COL15A1: variants seen among roughly 807,000 people sequenced by gnomAD.
COL15A1 encodes collagen type XV alpha 1 chain, also known as collagen alpha-1(XV) chain.
A neutral mutation model predicts 165.9 loss-of-function variants in COL15A1; 111 were observed. The ratio of observed to expected loss-of-function variants is 0.67; its 90% CI spans 0.57 to 0.78. COL15A1 has a LOEUF of 0.78. Ranked by LOEUF, COL15A1 falls within the 30% of genes least tolerant of loss-of-function variation. COL15A1 has a pLI of 0.00. For synonymous variants in COL15A1, 659 were observed against 674.8 expected (o/e 0.98, Z 0.36); for missense variants, 1,745 against 1,789.7 (o/e 0.98, Z 0.45).
intron 6 of COL15A1, 33 bp downstream of exon 6, chr9:98,997,114 C>T (rs758143304): frequency 1.2e-6 from 2 of 1,612,268 alleles, no homozygotes; most frequent in South Asian, 1.1e-5. Flanking sequence ...ACGTAGTGGC[C>T]TTTTATTGGG....
intron 2 of COL15A1, among the ~76,000 whole-genome samples, chr9:98,975,227 T>C (rs1838124402): frequency 1.3e-5 from 2 of 152,266 alleles, no homozygotes; most frequent in Admixed American, 1.3e-4. Context: ...TAACTAGCGC[T>C]AGCGCTGGGC....
intron 2 of COL15A1, among the ~76,000 whole-genome samples, chr9:98,969,105 T>C (rs939195382): frequency 1.4e-4 from 21 of 152,178 alleles, no homozygotes; most frequent in African/African-American, 5.1e-4. Context: ...CACTGCAGTC[T>C]CATGAGAAAG....
At position 98,954,422 on chromosome 9, in the gene COL15A1, A is replaced by G. The variant is rs140293117; in HGVS notation, c.100+10172A>G. On this transcript the variant is annotated intron_variant, in intron 2 of 41. Transcript: ENST00000375001. ...ATAATATGAACAGAACATTCTGTACATTGCATTTAGTGTTTAGTTGATGGC... is the reference window on the plus strand; with the variant it reads ...ATAATATGAACAGAACATTCTGTACGTTGCATTTAGTGTTTAGTTGATGGC... Among the ~76,000 whole-genome samples, 345 of 152,318 alleles carry G rather than the reference A, an allele frequency of 2.3e-3. 3 individuals carry two copies. The highest frequency in any genetic ancestry group is 8.0e-3 in the African/African-American group (332 of 41,568).
intron 2 of COL15A1, among the ~76,000 whole-genome samples, chr9:98,963,003 C>T (rs1837887122): frequency 6.6e-6 from 1 of 152,212 alleles, no homozygotes; most frequent in South Asian, 2.1e-4. Flanking sequence ...ATTTCTCCAT[C>T]CACGTTTACC....
At position 99,066,599 on chromosome 9, in the gene COL15A1, GTT is replaced by G. The variant is rs67961829; in HGVS notation, c.3652-259_3652-258del. Reference sequence around the variant, plus strand: ...TTTGGTCCAAGCAATATTTTGTTCTGTTTTTTTTTTTTTTTTTTTTTTTTTCA... The same window carrying G: ...TTTGGTCCAAGCAATATTTTGTTCTGTTTTTTTTTTTTTTTTTTTTTTTCA... On this transcript the variant is annotated intron_variant, in intron 39 of 41. Coordinates refer to ENST00000375001, the MANE Select transcript of COL15A1 (RefSeq NM_001855.5). Among the ~76,000 whole-genome samples, 137 of 71,030 alleles carry G rather than the reference GTT, an allele frequency of 1.9e-3. 1 individual carries two copies. The highest frequency in any genetic ancestry group is 8.9e-3 in the Middle Eastern group (1 of 112). 46.6% of individuals were successfully genotyped at this position (71,030 alleles called of 152,430 possible).
intron 26 of COL15A1, 109 bp downstream of exon 26, chr9:99,044,879 C>T (rs1839470144): frequency 2.0e-6 from 2 of 1,015,496 alleles, no homozygotes; most frequent in Non-Finnish European, 3.0e-6. Context: ...AAAGATGTGG[C>T]AAAGATGTGC....
At chr9:99,007,568 C>T (rs1213238742) in intron 9 of COL15A1, among the ~76,000 whole-genome samples, 1 of 152,110 alleles carries the variant, frequency 6.6e-6, no homozygotes, top group African/African-American at 2.4e-5. Context: ...TGTGAAGTCT[C>T]ATGCCCTACA....
chr9:99,040,610 GTTCC>G lies in COL15A1; in HGVS notation c.2511+59_2511+62del. 4.3e-6 allele frequency: 7 copies of G among 1,614,072 alleles called. No homozygotes were observed. In the Admixed American group the frequency reaches 1.2e-4, roughly 27 times the overall value. ...TGTGCCCCGTGGCTGCGATCATTCT[GTTCC>G]TTCCACCTAGAATGGCATTTCCTCC... On this transcript the variant is annotated intron_variant, in intron 23 of 41. Transcript: ENST00000375001.
chr9:98,979,640 G>A (rs1258809396), intron 2 of COL15A1, among the ~76,000 whole-genome samples: 2 of 126,622 alleles, frequency 1.6e-5, no homozygotes, highest in Admixed American at 7.8e-5. Flanking sequence ...ACATTGCAGG[G>A]ATTATCTTTA....
intron 30 of COL15A1, 125 bp downstream of exon 30, chr9:99,050,020 A>T (rs1839559740): frequency 7.5e-7 from 1 of 1,324,730 alleles, no homozygotes; most frequent in East Asian, 2.3e-5. Context: ...TCTGTCCCCT[A>T]AGTGTAGACC....
chr9:98,976,988 G>A (rs1481978104), intron 2 of COL15A1, among the ~76,000 whole-genome samples: 1 of 152,150 alleles, frequency 6.6e-6, no homozygotes, highest in Admixed American at 6.5e-5. Flanking sequence ...GCTCAAGGGT[G>A]TAAAATGTAG....
intron 6 of COL15A1, 137 bp from the exon 7 acceptor site, chr9:99,000,702 C>A: frequency 3.1e-6 from 2 of 637,552 alleles, no homozygotes; most frequent in Non-Finnish European, 5.6e-6. Context: ...TGTTGTTCTG[C>A]AACTTGTTTT....
At chr9:99,033,377 T>C (rs1172729250) in intron 16 of COL15A1, among the ~76,000 whole-genome samples, 2 of 127,660 alleles carry the variant, frequency 1.6e-5, no homozygotes, top group Non-Finnish European at 3.3e-5. Flanking sequence ...ATTTTCTCCT[T>C]GGCAGGAGTG....
intron 36 of COL15A1, among the ~76,000 whole-genome samples, chr9:99,060,250 A>T (rs59321004): frequency 0.14 from 16,208 of 114,888 alleles, 1,215 homozygotes; most frequent in East Asian, 0.45. Flanking sequence ...ATATATATAT[A>T]TATATATTTT....
rs553279234 is a variant in COL15A1, at chr9:99,006,483, G to A, written c.1353+1433G>A. On this transcript the variant is annotated intron_variant, in intron 9 of 41. Coordinates refer to ENST00000375001, the MANE Select transcript of COL15A1 (RefSeq NM_001855.5). ...CTGGTCTGTCTGTGCTGGTCAGGCA[G>A]CCTTCAGCCTTTTAGCATCCATGCT... Among the ~76,000 whole-genome samples the A allele has an allele frequency of 9.8e-5, 15 of 152,352 alleles. No homozygotes were observed. In the East Asian group the frequency reaches 2.5e-3, roughly 25 times the overall value.
At chr9:99,021,152 C>A (rs1384016089) in intron 12 of COL15A1, among the ~76,000 whole-genome samples, 1 of 152,214 alleles carries the variant, frequency 6.6e-6, no homozygotes, top group South Asian at 2.1e-4. Flanking sequence ...CCTCTGGGAG[C>A]CTTCTCATCT....
Position 99,059,875 on chromosome 9 carries a change from C to T in COL15A1, c.3338-14C>T. The T allele has an allele frequency of 1.9e-6, 3 of 1,611,912 alleles. No homozygotes were observed. Among genetic ancestry groups the T allele is most frequent in the Non-Finnish European group, 2.5e-6 (3 of 1,179,458 alleles). On this transcript the variant is annotated splice_polypyrimidine_tract_variant and intron_variant, in intron 35 of 41. Coordinates refer to ENST00000375001, the MANE Select transcript of COL15A1 (RefSeq NM_001855.5). ...GTGGTTTTTGTGTAACTTCTCTTTT[C>T]TGTTTTGTCTTAGCTGTGGCCCTTC...
intron 39 of COL15A1, 76 bp downstream of exon 39, chr9:99,063,185 A>G (rs1825843686): frequency 7.0e-7 from 1 of 1,429,676 alleles, no homozygotes; most frequent in Non-Finnish European, 9.2e-7. Context: ...TGCTTAGTAC[A>G]CAGTTCCTAC....
intron 9 of COL15A1, among the ~76,000 whole-genome samples, chr9:99,012,107 G>A (rs10988549): frequency 0.014 from 2,195 of 152,264 alleles, 60 homozygotes; most frequent in African/African-American, 0.049. Flanking sequence ...ATCAATAAAT[G>A]CAAACAAAAA....
Sources: gnomAD v4.1 joint callset for allele counts (sites outside exome capture counted in the v4.1 genomes callset) on GRCh38, gnomAD v4.1.1 for gene constraint, MANE v1.5 for transcripts, NCBI Gene and HGNC (gene_info 2026-07-23, HGNC 2026-07-21) for gene names.